Variants in NR3C1 observed in about 807,000 individuals in gnomAD.
The protein encoded by NR3C1 is nuclear receptor subfamily 3 group C member 1.
NR3C1 carries 14 observed loss-of-function variants against 74.0 expected under a neutral mutation model. The observed-to-expected ratio is 0.19, with a 90% CI of 0.12 to 0.30. The LOEUF (loss-of-function observed/expected upper bound fraction) is 0.30. NR3C1 is among the 10% of genes least tolerant of loss of function. NR3C1 has a pLI of 1.00. For synonymous variants in NR3C1, 308 were observed against 332.5 expected (o/e 0.93, Z 0.80); for missense variants, 695 against 909.8 (o/e 0.76, Z 3.04).
At chr5:143,307,947 A>C (rs931766469) in intron 4 of NR3C1, among the ~76,000 whole-genome samples, 1 of 152,244 alleles carries the variant, frequency 6.6e-6, no homozygotes, top group Non-Finnish European at 1.5e-5. Flanking sequence ...TATAACATTT[A>C]CAAGAAAGTG....
chr5:143,362,879 G>A (rs1243846832), intron 2 of NR3C1, among the ~76,000 whole-genome samples: 3 of 152,196 alleles, frequency 2.0e-5, no homozygotes, highest in African/African-American at 4.8e-5. Flanking sequence ...TAAAGATTGA[G>A]AGGAAAAGCT....
intron 2 of NR3C1, among the ~76,000 whole-genome samples, chr5:143,355,993 C>T (rs912918063): frequency 6.6e-6 from 1 of 151,970 alleles, no homozygotes; most frequent in East Asian, 1.9e-4. Context: ...GAAGGAATGC[C>T]TAGAGACATA....
At chr5:143,370,863 A>G (rs755368319) in intron 2 of NR3C1, among the ~76,000 whole-genome samples, 3 of 152,250 alleles carry the variant, frequency 2.0e-5, no homozygotes, top group Admixed American at 6.5e-5. Flanking sequence ...TCAGGAACCT[A>G]TAAGTGGTTG....
At chr5:143,331,117 G>C (rs1456671759) in intron 2 of NR3C1, among the ~76,000 whole-genome samples, 3 of 152,092 alleles carry the variant, frequency 2.0e-5, no homozygotes, top group African/African-American at 7.2e-5. Flanking sequence ...ATAGACCAAT[G>C]CAACAGAATA....
At chr5:143,332,836 A>AGAAAAT in intron 2 of NR3C1, 2 of 1,478,932 alleles carry the variant, frequency 1.4e-6, no homozygotes, top group Admixed American at 1.7e-5. Context: ...CTTCGCCTAA[A>AGAAAAT]GAAAATTTTT....
upstream of NR3C1, chr5:143,404,523 C>T (rs1840946749): frequency 1.0e-6 from 1 of 979,722 alleles, no homozygotes. Context: ...CGACCGTCCC[C>T]CACCCTCTTC....
intron 2 of NR3C1, among the ~76,000 whole-genome samples, chr5:143,318,717 T>C (rs1445550165): frequency 2.0e-5 from 3 of 152,172 alleles, no homozygotes; most frequent in Non-Finnish European, 4.4e-5. Flanking sequence ...TCTCTCATGG[T>C]ACTCCATGAA....
chr5:143,334,244 T>C (rs1318704693), intron 2 of NR3C1, among the ~76,000 whole-genome samples: 2 of 151,884 alleles, frequency 1.3e-5, no homozygotes, highest in Non-Finnish European at 2.9e-5. Context: ...TAGCCGGGCA[T>C]GGTGGCACGT....
chr5:143,332,255 CA>C (rs1246522437), intron 2 of NR3C1, among the ~76,000 whole-genome samples: 2 of 151,110 alleles, frequency 1.3e-5, no homozygotes, highest in African/African-American at 4.9e-5. Context: ...GGTGGACAGT[CA>C]GTGCATGAGT....
intron 2 of NR3C1, among the ~76,000 whole-genome samples, chr5:143,343,354 C>A (rs1392198703): frequency 5.9e-5 from 9 of 152,200 alleles, no homozygotes; most frequent in African/African-American, 1.9e-4. Context: ...AGGCAGGTTG[C>A]TTGACCTGAT....
chr5:143,288,926 G>A (rs189539485), intron 7 of NR3C1, among the ~76,000 whole-genome samples: 22 of 151,868 alleles, frequency 1.4e-4, no homozygotes, highest in Admixed American at 1.2e-3. Context: ...CCAACATGGC[G>A]AAACCCCGTC....
At chr5:143,417,695 A>G (rs1475882011) in intron 1 of NR3C1, among the ~76,000 whole-genome samples, 1 of 152,170 alleles carries the variant, frequency 6.6e-6, no homozygotes, top group Non-Finnish European at 1.5e-5. Context: ...GTACACGCCC[A>G]TACACAATAC....
chr5:143,396,042 T>C (rs980251458), intron 2 of NR3C1, among the ~76,000 whole-genome samples: 1 of 151,880 alleles, frequency 6.6e-6, no homozygotes, highest in African/African-American at 2.4e-5. Context: ...CTAAAATACA[T>C]GTAACACAAA....
chr5:143,279,623 CAAAT>C lies in NR3C1; in HGVS notation c.*2262_*2265del, dbSNP rs780553320. 46 of 455,180 alleles carry C rather than the reference CAAAT, an allele frequency of 1.0e-4. No individual in the cohort carries two copies. Among genetic ancestry groups the C allele is most frequent in the Admixed American group, 1.3e-4 (3 of 22,564 alleles). 28.2% of individuals were successfully genotyped at this position (455,180 alleles called of 1,614,324 possible). On this transcript the variant is annotated 3_prime_UTR_variant, in exon 9 of 9. Coordinates refer to ENST00000394464, the MANE Select transcript of NR3C1 (RefSeq NM_000176.3). ...AATTTCTCCAAAATACTGAAAATAA[CAAAT>C]AACATTCAAAAAGCATTCAAAGAAA... is the stretch of plus-strand genomic sequence containing the variant.
intron 1 of NR3C1, 113 bp downstream of exon 1, chr5:143,403,098 C>T (rs1358522680): frequency 4.3e-6 from 4 of 922,754 alleles, no homozygotes; most frequent in Non-Finnish European, 3.9e-6. Context: ...CCCCCACTCC[C>T]CGAGGCTAAT....
intron 2 of NR3C1, among the ~76,000 whole-genome samples, chr5:143,363,096 C>G (rs1832580114): frequency 6.6e-6 from 1 of 152,132 alleles, no homozygotes; most frequent in Admixed American, 6.5e-5. Flanking sequence ...AAGGCCTGCC[C>G]TAATGCATAC....
rs1412749340 is a variant in NR3C1 at position 143,403,225 on chromosome 5, C to T, written c.-28G>A. The T allele has an allele frequency of 2.0e-6, 2 of 985,398 alleles. No homozygotes were observed. The highest frequency in any genetic ancestry group is 2.4e-6 in the Non-Finnish European group (2 of 830,002). 61.0% of individuals were successfully genotyped at this position (985,398 alleles called of 1,614,324 possible). ...TCGCTTCTTACCTCTGGCAGAGGAG[C>T]CGCTCGCCCGCCACCGTCCGCAGTT... On this transcript the variant is annotated 5_prime_UTR_variant, in exon 1 of 9. Transcript: ENST00000394464.
chr5:143,399,672 A>G lies in NR3C1; in HGVS notation c.1168T>C (p.Ser390Pro). The change falls in exon 2 of 9, where the codon TCT becomes CCT. Residue 390 changes from serine (S) to proline (P), a missense_variant. By Grantham distance (74) the Ser-to-Pro change is moderately conservative. This residue lies in a region of NR3C1 where 497 missense variants were observed against 489.5 expected (regional missense o/e 1.02). Coordinates refer to ENST00000394464, the MANE Select transcript of NR3C1 (RefSeq NM_000176.3). ...TGATCTTACCTTGAATAGCCATTAG[A>G]AAAAACTGTTCGACCAGGGAAGTTC... is the stretch of plus-strand genomic sequence containing the variant. ...TLNFPGRTVF[S>P]NGYSSPSMRP... 1 of 1,613,518 alleles carries G rather than the reference A, an allele frequency of 6.2e-7. No homozygotes were observed. The highest frequency in any genetic ancestry group is 8.5e-7 in the Non-Finnish European group (1 of 1,179,398).
chr5:143,408,553 GA>G (rs1841192623), upstream of NR3C1, among the ~76,000 whole-genome samples: 1 of 151,126 alleles, frequency 6.6e-6, no homozygotes, highest in African/African-American at 2.4e-5. Context: ...TCTGATTTTG[GA>G]ATATTTGCAT....
Sources: allele counts gnomAD v4.1 joint callset (sites outside exome capture counted in the v4.1 genomes callset), GRCh38; gene constraint gnomAD v4.1.1; regional missense constraint gnomAD v4.1.1; transcripts MANE v1.5; gene names NCBI Gene and HGNC (gene_info 2026-07-23, HGNC 2026-07-21).